Variants in SCN4A observed in about 807,000 individuals in gnomAD.
SCN4A encodes the protein sodium channel protein type 4 subunit alpha.
Under a neutral mutation model 162.0 loss-of-function variants are expected in SCN4A, and 83 were observed. The observed-to-expected ratio is 0.51, with a 90% CI of 0.43 to 0.61. The LOEUF (loss-of-function observed/expected upper bound fraction) is 0.61, where lower values mean the gene tolerates loss of function less well. Among genes scored for constraint, SCN4A ranks in the 20% least tolerant of loss-of-function variants. SCN4A has a pLI of 0.00. For synonymous variants in SCN4A, 944 were observed against 985.1 expected (o/e 0.96, Z 0.78); for missense variants, 2,196 against 2,462.5 (o/e 0.89, Z 2.29).
chr17:63,949,147 G>A (rs1324453734), intron 15 of SCN4A, among the ~76,000 whole-genome samples: 1 of 152,214 alleles, frequency 6.6e-6, no homozygotes, highest in South Asian at 2.1e-4. Flanking sequence ...GAAGATGGAG[G>A]GGAGGATCTC....
intron 5 of SCN4A, among the ~76,000 whole-genome samples, chr17:63,969,690 C>T (rs768503364): frequency 6.6e-5 from 10 of 152,090 alleles, no homozygotes; most frequent in Non-Finnish European, 1.5e-4. Flanking sequence ...GTCGCCCAGG[C>T]TGGAGTGCAG....
At position 63,961,391 on chromosome 17, in the gene SCN4A, G is replaced by C; in HGVS notation, c.1647C>G (p.Tyr549Ter). Reference sequence around the variant, plus strand: ...ATATGAGCACTTTGTGGGCGCACTTGTACCACCATGGTGGGCACTTTTGGT... The same window carrying C: ...ATATGAGCACTTTGTGGGCGCACTTCTACCACCATGGTGGGCACTTTTGGT... ...EAHQKCPPWW[Y>*]KCAHKVLIWN... is the part of the protein sequence containing the mutation. Residue 549 changes from tyrosine (Y) to a stop codon, truncating the protein, a stop_gained, in exon 11 of 24, where the codon TAC becomes TAG. Coordinates refer to ENST00000435607, the MANE Select transcript of SCN4A (RefSeq NM_000334.4). LOFTEE classifies it high-confidence loss of function. 6.2e-7 allele frequency: 1 copy of C among 1,613,834 alleles called. No homozygotes were observed. Among genetic ancestry groups the C allele is most frequent in the Non-Finnish European group, 8.5e-7 (1 of 1,179,790 alleles).
rs764799668 is a variant in SCN4A, at chr17:63,972,506, G to A, written c.274-36C>T. On this transcript the variant is annotated intron_variant, in intron 1 of 23. Coordinates refer to ENST00000435607, the MANE Select transcript of SCN4A (RefSeq NM_000334.4). This position sits in a 1 kb window ranked among gnomAD's most constrained non-coding sequence, Gnocchi z 4.3. ...AGAGAGGCTGTGAGACCCAGGGACA[G>A]ACAGACAGGCAGACAGATGGATGGA... The A allele has an allele frequency of 2.0e-5, 32 of 1,608,716 alleles. No homozygotes were observed. Among genetic ancestry groups the A allele is most frequent in the Non-Finnish European group, 2.6e-5 (31 of 1,177,222 alleles).
At position 63,942,819 on chromosome 17, in the gene SCN4A, C is replaced by T. The variant is rs773803283; in HGVS notation, c.4288+7G>A. 103 of 1,611,830 alleles carry T rather than the reference C, an allele frequency of 6.4e-5. No homozygotes were observed. The highest frequency in any genetic ancestry group is 8.4e-5 in the Non-Finnish European group (99 of 1,178,310). ...GCTGCCCTGCCGGTCCAGCCCGCCCCGCTCACCCACAATGGACAGGATGAC... is the reference window on the plus strand; with the variant it reads ...GCTGCCCTGCCGGTCCAGCCCGCCCTGCTCACCCACAATGGACAGGATGAC... On this transcript the variant is annotated splice_region_variant and intron_variant, in intron 23 of 23. Transcript: ENST00000435607.
chr17:63,954,302 TCC>T (rs1345113475), intron 13 of SCN4A, among the ~76,000 whole-genome samples: 6 of 152,136 alleles, frequency 3.9e-5, no homozygotes, highest in Non-Finnish European at 8.8e-5. Flanking sequence ...GCTCCCTTCC[TCC>T]CCGCCATGTC....
chr17:63,960,246 G>A (rs570857404), intron 11 of SCN4A, among the ~76,000 whole-genome samples: 4 of 152,368 alleles, frequency 2.6e-5, no homozygotes, highest in African/African-American at 7.2e-5. Context: ...GTGTGGGCAG[G>A]GGGTGGGCAA....
chr17:63,949,306 G>A (rs537200908), intron 15 of SCN4A, 87 bp downstream of exon 15: 41 of 1,383,352 alleles, frequency 3.0e-5, no homozygotes, highest in South Asian at 4.2e-5. Context: ...CCCCAGGTCC[G>A]TGTGCTTTTG....
In SCN4A at chr17:63,940,287, A is replaced by C; in HGVS notation, c.*484T>G. ...GGTGGGCTGGCAGTGCCCTGGGGTTAGGTGTCTGCACTCCCTGAGGTTAAG... is the reference window on the plus strand; with the variant it reads ...GGTGGGCTGGCAGTGCCCTGGGGTTCGGTGTCTGCACTCCCTGAGGTTAAG... On this transcript the variant is annotated 3_prime_UTR_variant, in exon 24 of 24. Transcript: ENST00000435607. The C allele has an allele frequency of 6.4e-6, 1 of 156,324 alleles. No homozygotes were observed. Among genetic ancestry groups the C allele is most frequent in the African/African-American group, 2.4e-5 (1 of 41,672 alleles). 9.7% of individuals were successfully genotyped at this position (156,324 alleles called of 1,614,324 possible).
intron 13 of SCN4A, among the ~76,000 whole-genome samples, chr17:63,954,941 G>A (rs1293865218): frequency 6.6e-6 from 1 of 152,168 alleles, no homozygotes; most frequent in Non-Finnish European, 1.5e-5. Context: ...TCACCTCCCT[G>A]AGCCCCTGTT....
intron 13 of SCN4A, among the ~76,000 whole-genome samples, chr17:63,956,459 C>G (rs987068781): frequency 1.3e-5 from 2 of 152,124 alleles, no homozygotes; most frequent in Non-Finnish European, 2.9e-5. Context: ...CTATGTTGCC[C>G]AGGCTGGTCT....
chr17:63,971,766 G>A lies in SCN4A; in HGVS notation c.567C>T (p.Leu189=). Residue 189 remains leucine (L), a synonymous_variant, in exon 4 of 24, where the codon CTC becomes CTT. Coordinates refer to ENST00000435607, the MANE Select transcript of SCN4A (RefSeq NM_000334.4). Reference sequence around the variant, plus strand: ...AGTCCAGCCAGTTCCAGGGGTCCCGGAGGAATGTGAAGTCGTCGACACAGA... The same window carrying A: ...AGTCCAGCCAGTTCCAGGGGTCCCGAAGGAATGTGAAGTCGTCGACACAGA... ...RGFCVDDFTF[L]RDPWNWLDFS... is the part of the protein sequence containing the mutation. 2 of 1,611,760 alleles carry A rather than the reference G, an allele frequency of 1.2e-6. No homozygotes were observed. Among genetic ancestry groups the A allele is most frequent in the Non-Finnish European group, 1.7e-6 (2 of 1,178,946 alleles).
intron 10 of SCN4A, among the ~76,000 whole-genome samples, chr17:63,963,132 C>T (rs931997241): frequency 6.6e-6 from 1 of 152,172 alleles, no homozygotes; most frequent in African/African-American, 2.4e-5. Flanking sequence ...ATCCATCTGT[C>T]GTGTCGTGTC....
At chr17:63,965,158 C>T (rs149058320) in intron 8 of SCN4A, among the ~76,000 whole-genome samples, 467 of 152,068 alleles carry the variant, frequency 3.1e-3, no homozygotes, top group African/African-American at 0.01. Context: ...GATTCTCCTT[C>T]CTCAGTCTCC....
chr17:63,969,051 C>G (rs1163997157), intron 5 of SCN4A, among the ~76,000 whole-genome samples: 1 of 152,190 alleles, frequency 6.6e-6, no homozygotes, highest in Non-Finnish European at 1.5e-5. Flanking sequence ...CTATGTTGGA[C>G]AGGCTGGTCT....
At position 63,972,699 on chromosome 17, in the gene SCN4A, T is replaced by C; in HGVS notation, c.143A>G (p.Glu48Gly). ...ACTTCGTGGCTTCCGTTCGGGCTCC[T>C]CAATCTCCATCTGCTTATTCCGCTG... ...RLQRNKQMEI[E>G]EPERKPRSDL... The change falls in exon 1 of 24, where the codon GAG becomes GGG. Residue 48 changes from glutamate (E) to glycine (G), a missense_variant. Glu to Gly is a moderately conservative substitution (Grantham distance 98). Coordinates refer to ENST00000435607, the MANE Select transcript of SCN4A (RefSeq NM_000334.4). The surrounding 1 kb of genome is among the most constrained non-coding windows in gnomAD (Gnocchi z 4.3). The C allele has an allele frequency of 6.2e-7, 1 of 1,613,758 alleles. No homozygotes were observed. Among genetic ancestry groups the C allele is most frequent in the East Asian group, 2.2e-5 (1 of 44,876 alleles).
At chr17:63,966,003 T>C in intron 8 of SCN4A, 99 bp downstream of exon 8, 2 of 853,532 alleles carry the variant, frequency 2.3e-6, no homozygotes, top group Non-Finnish European at 1.9e-6. Context: ...AGTTCGGGGG[T>C]TGGCCATCCT....
Position 63,972,798 on chromosome 17 carries a change from T to C in SCN4A, c.44A>G (p.Glu15Gly). ...CTCCCGGGTGAAGGGGCGCAAGCAC[T>C]CAGGGCCCAGAGGCACCAGGGTGCA... The part of the protein sequence containing the change: ...SLCTLVPLGP[E>G]CLRPFTRESL... The change falls in exon 1 of 24, where the codon GAG becomes GGG. Residue 15 changes from glutamate to glycine, a missense_variant. By Grantham distance (98) the Glu-to-Gly change is moderately conservative (BLOSUM62 -2). Coordinates refer to ENST00000435607, the MANE Select transcript of SCN4A (RefSeq NM_000334.4). This position sits in a 1 kb window ranked among gnomAD's most constrained non-coding sequence, Gnocchi z 4.3. 1 of 1,613,518 alleles carries C rather than the reference T, an allele frequency of 6.2e-7. No homozygotes were observed. Among genetic ancestry groups the C allele is most frequent in the Non-Finnish European group, 8.5e-7 (1 of 1,179,734 alleles).
At position 63,949,536 on chromosome 17, in the gene SCN4A, G is replaced by C; in HGVS notation, c.2854-8C>G. 1 of 1,601,428 alleles carries C rather than the reference G, an allele frequency of 6.2e-7. No individual in the cohort carries two copies. The highest frequency in any genetic ancestry group is 8.5e-7 in the Non-Finnish European group (1 of 1,171,618). The stretch of plus-strand genomic sequence containing the variant: ...GAGAGGCTGCGGCGGCTTCTGCGGA[G>C]GCCACAGGGTCACATGACATCTGGG... On this transcript the variant is annotated splice_polypyrimidine_tract_variant and splice_region_variant and intron_variant, in intron 14 of 23. Coordinates refer to ENST00000435607, the MANE Select transcript of SCN4A (RefSeq NM_000334.4).
rs898458914 is a variant in SCN4A at position 63,947,304 on chromosome 17, G to A, written c.3319-137C>T. 1.4e-5 allele frequency: 15 copies of A among 1,081,918 alleles called. No homozygotes were observed. In the East Asian group the frequency reaches 1.7e-4, roughly 12 times the overall value. The allele number at this position is 1,081,918 out of a possible 1,614,324, so 67.0% of individuals were successfully genotyped here. On this transcript the variant is annotated intron_variant, in intron 17 of 23. Coordinates refer to ENST00000435607, the MANE Select transcript of SCN4A (RefSeq NM_000334.4). The stretch of plus-strand genomic sequence containing the variant: ...CCCTCCCTAGTGGGTGGTCCTGTCC[G>A]GTGGGAAGAGCAGCCCTGGGACCTG...
Sources: gnomAD v4.1 joint callset for allele counts (sites outside exome capture counted in the v4.1 genomes callset) on GRCh38, gnomAD v4.1.1 for gene constraint, Gnocchi (gnomAD v3.1) non-coding constraint, MANE v1.5 for transcripts, NCBI Gene and HGNC (gene_info 2026-07-23, HGNC 2026-07-21) for gene names.